The following MSN variants were observed in gnomAD, a reference collection of about 807,000 sequenced individuals.
MSN encodes moesin, also known as epididymis luminal protein 70.
A neutral mutation model predicts 48.0 loss-of-function variants in MSN; 2 were observed. The observed-to-expected ratio is 0.04, with a 90% CI of 0.02 to 0.13. The LOEUF is 0.13. MSN is among the 10% of genes least tolerant of loss of function. MSN has a pLI of 1.00. For synonymous variants in MSN, 146 were observed against 166.9 expected (o/e 0.87, Z 0.97); for missense variants, 267 against 470.1 (o/e 0.57, Z 3.99).
chrX:65,734,159 G>A (rs1015281812), intron 7 of MSN, among the ~76,000 whole-genome samples: 2 of 111,898 alleles, frequency 1.8e-5, no homozygotes, highest in Non-Finnish European at 3.8e-5. Flanking sequence ...GCCTGCAGCT[G>A]ACAAGACCAG....
chrX:65,599,352 A>AGGCT (rs2070213029), intron 1 of MSN, among the ~76,000 whole-genome samples: 1 of 111,428 alleles, frequency 9.0e-6, no homozygotes, highest in African/African-American at 3.3e-5. Flanking sequence ...ATTCAAAGTA[A>AGGCT]GGCTGGGTGC....
chrX:65,678,552 A>T (rs1452985829), intron 1 of MSN, among the ~76,000 whole-genome samples: 1 of 111,049 alleles, frequency 9.0e-6, no homozygotes, highest in African/African-American at 3.3e-5. Flanking sequence ...CCAGTTGGTA[A>T]GTCTAGTTCT....
chrX:65,606,290 G>A lies in MSN; in HGVS notation c.-22+17678G>A, dbSNP rs754261019. 1.1e-3 allele frequency among the ~76,000 whole-genome samples: 114 copies of A among 108,357 alleles called. 1 individual carries two copies. Among genetic ancestry groups the A allele is most frequent in the Middle Eastern group, 4.7e-3 (1 of 213 alleles). 94.1% of individuals were successfully genotyped at this position (108,357 alleles called of 115,157 possible). On this transcript the variant is annotated intron_variant, in intron 1 of 3. Transcript: ENST00000609672. ...ATTACAGGCGCCCACCACCATGCCC[G>A]GCTAATTTTTGGATTTTTAGTAGAG... is the stretch of plus-strand genomic sequence containing the variant.
intron 5 of MSN, 102 bp from the exon 6 acceptor site, chrX:65,731,736 A>G: frequency 1.0e-6 from 1 of 981,381 alleles, no homozygotes; most frequent in Non-Finnish European, 1.4e-6. Context: ...CCCACTCCTG[A>G]TAGCAAGATC....
intron 1 of MSN, among the ~76,000 whole-genome samples, chrX:65,692,221 G>A (rs2071180124): frequency 1.8e-5 from 2 of 112,557 alleles, no homozygotes; most frequent in Admixed American, 9.4e-5. Flanking sequence ...TAAGGTCAGG[G>A]ATTTGAGCCA....
intron 1 of MSN, among the ~76,000 whole-genome samples, chrX:65,709,646 C>T (rs1416717111): frequency 2.7e-5 from 3 of 112,715 alleles, no homozygotes; most frequent in Non-Finnish European, 5.6e-5. Flanking sequence ...ATTTGTTTAA[C>T]GAATATTTGA....
rs1043660030 is a variant in MSN at position 65,734,601 on chromosome X, C to T, written c.796-666C>T. On this transcript the variant is annotated intron_variant, in intron 7 of 12. Coordinates refer to ENST00000360270, the MANE Select transcript of MSN (RefSeq NM_002444.3). Reference sequence around the variant, plus strand: ...TGGTATTTGTAGTAACAAACTCAAACTCACTGGATTTTCTTGTGTGTTTTC... The same window carrying T: ...TGGTATTTGTAGTAACAAACTCAAATTCACTGGATTTTCTTGTGTGTTTTC... Among the ~76,000 whole-genome samples, 3 of 111,970 alleles carry T rather than the reference C, an allele frequency of 2.7e-5. No individual in the cohort carries two copies. The East Asian group carries it at 8.3e-4, about 31-fold the overall frequency.
intron 8 of MSN, 111 bp from the exon 9 acceptor site, chrX:65,736,684 C>T: frequency 1.1e-6 from 1 of 882,744 alleles, no homozygotes; most frequent in East Asian, 3.9e-5. Context: ...GATCTGCCCA[C>T]CTCGGCCTCC....
At chrX:65,727,281 A>C (rs1482469565) in intron 2 of MSN, among the ~76,000 whole-genome samples, 1 of 111,938 alleles carries the variant, frequency 8.9e-6, no homozygotes, top group Non-Finnish European at 1.9e-5. Context: ...GCCCAAGAGA[A>C]CAAGATACAG....
At chrX:65,726,377 T>A (rs1339250183) in intron 2 of MSN, among the ~76,000 whole-genome samples, 1 of 111,781 alleles carries the variant, frequency 8.9e-6, no homozygotes, top group East Asian at 2.8e-4. Flanking sequence ...ATGCATTACC[T>A]CTCTAAGCCT....
chrX:65,714,926 G>T lies in MSN; in HGVS notation c.13-1892G>T, dbSNP rs185539509. ...GGTATTACGTAGGTTTTCTTTGAGG[G>T]TTTTTATAATTTTGAGTTTTACATT... is the stretch of plus-strand genomic sequence containing the variant. On this transcript the variant is annotated intron_variant, in intron 1 of 12. Coordinates refer to ENST00000360270, the MANE Select transcript of MSN (RefSeq NM_002444.3). Among the ~76,000 whole-genome samples, 187 of 111,593 alleles carry T rather than the reference G, an allele frequency of 1.7e-3. 1 individual carries two copies. Among genetic ancestry groups the T allele is most frequent in the African/African-American group, 5.6e-3 (173 of 30,750 alleles).
intron 1 of MSN, among the ~76,000 whole-genome samples, chrX:65,601,832 C>T (rs2070238541): frequency 8.9e-6 from 1 of 112,434 alleles, no homozygotes; most frequent in Non-Finnish European, 1.9e-5. Context: ...TCTGTTTCCT[C>T]TGATTCAAAT....
At chrX:65,728,209 T>C (rs1001306340) in intron 3 of MSN, among the ~76,000 whole-genome samples, 3 of 112,619 alleles carry the variant, frequency 2.7e-5, no homozygotes, top group Admixed American at 1.9e-4. Flanking sequence ...AATCCATTAG[T>C]GGCTTTTCAA....
chrX:65,611,423 G>A (rs781256232), intron 1 of MSN, among the ~76,000 whole-genome samples: 1 of 111,364 alleles, frequency 9.0e-6, no homozygotes, highest in African/African-American at 3.3e-5. Flanking sequence ...GCCTCCCAAA[G>A]TGCGGGGATT....
intron 1 of MSN, among the ~76,000 whole-genome samples, chrX:65,711,215 C>T (rs923575731): frequency 4.5e-5 from 5 of 111,867 alleles, no homozygotes; most frequent in African/African-American, 6.5e-5. Context: ...TGCTCCACCA[C>T]GCCCAGCTAA....
intron 1 of MSN, among the ~76,000 whole-genome samples, chrX:65,651,501 T>G (rs1390433175): frequency 9.3e-6 from 1 of 107,880 alleles, no homozygotes. Flanking sequence ...GAGAATATGG[T>G]GCTCTTTTTG....
chrX:65,625,252 G>A (rs779852132), intron 1 of MSN: 18 of 112,159 alleles, frequency 1.6e-4, no homozygotes, highest in Non-Finnish European at 3.0e-4. Flanking sequence ...GTTTTGAGAA[G>A]AATATGTATT....
chrX:65,660,278 T>C (rs2070811706), intron 1 of MSN, among the ~76,000 whole-genome samples: 1 of 112,103 alleles, frequency 8.9e-6, no homozygotes, highest in South Asian at 3.7e-4. Flanking sequence ...TTTATTTGAC[T>C]CTTAGCCTGA....
intron 2 of MSN, among the ~76,000 whole-genome samples, chrX:65,723,257 A>T (rs1419501350): frequency 1.8e-5 from 2 of 112,091 alleles, no homozygotes; most frequent in Non-Finnish European, 3.8e-5. Flanking sequence ...CAATAATTTT[A>T]AAAATTCATT....
Sources: allele counts gnomAD v4.1 joint callset (sites outside exome capture counted in the v4.1 genomes callset), GRCh38; gene constraint gnomAD v4.1.1; transcripts MANE v1.5; gene names NCBI Gene and HGNC (gene_info 2026-07-23, HGNC 2026-07-21).